HEG1: variants seen among roughly 807,000 people sequenced by gnomAD.
HEG1 encodes protein HEG homolog 1.
Under a neutral mutation model 125.6 loss-of-function variants are expected in HEG1, and 56 were observed. The ratio of observed to expected loss-of-function variants is 0.45; its 90% confidence interval spans 0.36 to 0.56. The LOEUF is 0.56. HEG1 is among the 20% of genes least tolerant of loss of function. The pLI, the probability that HEG1 is intolerant of heterozygous loss-of-function variation, is 0.00. For synonymous variants in HEG1, 644 were observed against 668.5 expected (o/e 0.96, Z 0.57); for missense variants, 1,523 against 1,670.0 (o/e 0.91, Z 1.53).
At chr3:125,003,655 A>G (rs1937032083) in intron 9 of HEG1, among the ~76,000 whole-genome samples, 1 of 152,166 alleles carries the variant, frequency 6.6e-6, no homozygotes, top group Non-Finnish European at 1.5e-5. Context: ...CTCAACCTCT[A>G]GAGGGGCTGG....
intron 5 of HEG1, among the ~76,000 whole-genome samples, chr3:125,017,337 A>G (rs1483982400): frequency 3.3e-5 from 5 of 152,254 alleles, no homozygotes; most frequent in South Asian, 2.1e-4. Context: ...TTACAGGCGT[A>G]AGCCACCACA....
At chr3:124,994,528 C>T (rs1229117147) in intron 12 of HEG1, among the ~76,000 whole-genome samples, 9 of 146,822 alleles carry the variant, frequency 6.1e-5, no homozygotes, top group South Asian at 2.2e-4. Context: ...TTTTTGGAGA[C>T]GGAGTCTTGC....
At chr3:124,973,015 CTAT>C (rs58802991) in intron 16 of HEG1, among the ~76,000 whole-genome samples, 121 of 150,186 alleles carry the variant, frequency 8.1e-4, no homozygotes, top group Non-Finnish European at 1.3e-3. Flanking sequence ...TTTATTATTG[CTAT>C]TATTATTATT....
chr3:124,971,977 T>G (rs1936432322), intron 16 of HEG1: 1 of 152,072 alleles, frequency 6.6e-6, no homozygotes, highest in Non-Finnish European at 1.5e-5. Context: ...AAAAAATTTG[T>G]AGAGACAGGG....
chr3:125,022,483 A>G (rs112598178), intron 3 of HEG1, among the ~76,000 whole-genome samples: 40 of 152,142 alleles, frequency 2.6e-4, no homozygotes, highest in African/African-American at 9.2e-4. Context: ...AAAACCAGCT[A>G]TATCCAGAAC....
chr3:125,006,914 C>T (rs1444848855), intron 8 of HEG1, among the ~76,000 whole-genome samples: 3 of 152,170 alleles, frequency 2.0e-5, no homozygotes, highest in East Asian at 1.9e-4. Flanking sequence ...AAATTCACAT[C>T]GCAGGCCGGG....
intron 15 of HEG1, among the ~76,000 whole-genome samples, chr3:124,976,600 G>T (rs552914511): frequency 6.6e-6 from 1 of 151,118 alleles, no homozygotes; most frequent in Non-Finnish European, 1.5e-5. Context: ...CCATCTTTTC[G>T]TGTGTGCCAC....
chr3:125,027,522 A>G lies in HEG1; in HGVS notation c.611-15T>C, dbSNP rs1485357891. 3.1e-5 allele frequency: 49 copies of G among 1,572,656 alleles called. 2 individuals are homozygous for G. The Admixed American group carries it at 8.9e-4, about 29-fold the overall frequency. ...ACTTTCTGAGGCTGAAAACAGACAA[A>G]AACAATTAGAATTCCACCAGCAGAC... On this transcript the variant is annotated splice_polypyrimidine_tract_variant and intron_variant, in intron 2 of 16. Coordinates refer to ENST00000311127, the MANE Select transcript of HEG1 (RefSeq NM_020733.2).
In HEG1 at chr3:125,055,415, T is replaced by A. The variant is rs116836192; in HGVS notation, c.316+160A>T. ...GTCCAGCCAACTGCGAAAGCGTCCC[T>A]CCCTACCCGCCGACCCTCAGGGTCC... On this transcript the variant is annotated intron_variant, in intron 1 of 16. Coordinates refer to ENST00000311127, the MANE Select transcript of HEG1 (RefSeq NM_020733.2). 5.0e-3 allele frequency among the ~76,000 whole-genome samples: 767 copies of A among 152,130 alleles called. 5 individuals carry two copies. Among genetic ancestry groups the A allele is most frequent in the African/African-American group, 0.017 (708 of 41,504 alleles).
At chr3:124,996,251 AT>A (rs1173084964) in intron 12 of HEG1, among the ~76,000 whole-genome samples, 1 of 151,810 alleles carries the variant, frequency 6.6e-6, no homozygotes, top group African/African-American at 2.4e-5. Flanking sequence ...CACCCAGCTA[AT>A]TTTGTATTTT....
intron 1 of HEG1, among the ~76,000 whole-genome samples, chr3:125,053,476 A>G (rs1483557807): frequency 6.6e-6 from 1 of 151,944 alleles, no homozygotes; most frequent in African/African-American, 2.4e-5. Context: ...ACAGGTGTTC[A>G]TTTCATCTCT....
chr3:124,971,215 C>T, intron 16 of HEG1: 1 of 455,048 alleles, frequency 2.2e-6, no homozygotes, highest in Admixed American at 2.4e-5. Flanking sequence ...TATTTCTTGG[C>T]AGAAATAAAA....
chr3:125,009,609 A>T, intron 8 of HEG1, 96 bp downstream of exon 8: 2 of 1,297,538 alleles, frequency 1.5e-6, no homozygotes, highest in Non-Finnish European at 2.1e-6. Flanking sequence ...TACCTTGGAC[A>T]AATACTGATT....
At chr3:125,008,047 C>T (rs1312938071) in intron 8 of HEG1, among the ~76,000 whole-genome samples, 2 of 152,028 alleles carry the variant, frequency 1.3e-5, no homozygotes, top group South Asian at 2.1e-4. Context: ...ATAGCTAGGA[C>T]CACAGGTGTG....
chr3:124,987,464 TG>T (rs1281847440), intron 14 of HEG1, among the ~76,000 whole-genome samples: 1 of 151,878 alleles, frequency 6.6e-6, no homozygotes, highest in Non-Finnish European at 1.5e-5. Flanking sequence ...CTTGCACACG[TG>T]ATACAGGTCT....
intron 5 of HEG1, among the ~76,000 whole-genome samples, chr3:125,016,066 G>A (rs1283576783): frequency 1.3e-5 from 2 of 152,198 alleles, no homozygotes; most frequent in African/African-American, 4.8e-5. Flanking sequence ...CAGGAGAGGC[G>A]CAAGAGCAGG....
At chr3:124,988,894 C>T (rs964485294) in intron 14 of HEG1, among the ~76,000 whole-genome samples, 4 of 152,116 alleles carry the variant, frequency 2.6e-5, no homozygotes, top group South Asian at 2.1e-4. Flanking sequence ...TCCAGCCTGG[C>T]GACAGAACAA....
At chr3:125,047,502 C>G (rs1937691413) in intron 1 of HEG1, among the ~76,000 whole-genome samples, 1 of 152,170 alleles carries the variant, frequency 6.6e-6, no homozygotes, top group Non-Finnish European at 1.5e-5. Context: ...TGAATTGAGA[C>G]TGTCTGACGC....
At chr3:125,054,213 T>G (rs1579444301) in intron 1 of HEG1, among the ~76,000 whole-genome samples, 1 of 152,374 alleles carries the variant, frequency 6.6e-6, no homozygotes, top group East Asian at 1.9e-4. Flanking sequence ...AAACAGCGTA[T>G]GCTGTAAGTA....
Sources: allele counts gnomAD v4.1 joint callset (sites outside exome capture counted in the v4.1 genomes callset), GRCh38; gene constraint gnomAD v4.1.1; transcripts MANE v1.5; gene names NCBI Gene and HGNC (gene_info 2026-07-23, HGNC 2026-07-21).